Variants in LRRTM3 observed in about 807,000 individuals in gnomAD.
LRRTM3 encodes the protein leucine rich repeat transmembrane neuronal 3.
Under a neutral mutation model 44.7 loss-of-function variants are expected in LRRTM3, and 24 were observed. The observed-to-expected ratio is 0.54, with a 90% CI of 0.39 to 0.76. The LOEUF is 0.76. LRRTM3 is among the 30% of genes least tolerant of loss of function. The probability of loss-of-function intolerance (pLI) is 0.00; values close to 1 mark genes in which losing one functional copy is unlikely to be tolerated. For missense variants in LRRTM3, 587 were observed against 702.2 expected (o/e 0.84, Z 1.85); for synonymous variants, 277 against 278.7 (o/e 0.99, Z 0.06).
intron 2 of LRRTM3, among the ~76,000 whole-genome samples, chr10:67,036,226 C>A (rs914407044): frequency 8.6e-5 from 13 of 151,646 alleles, no homozygotes; most frequent in Non-Finnish European, 1.8e-4. Context: ...GACCATGGCT[C>A]ACTGCAACCT....
At chr10:67,082,755 A>T (rs1857114318) in intron 2 of LRRTM3, among the ~76,000 whole-genome samples, 2 of 152,164 alleles carry the variant, frequency 1.3e-5, no homozygotes, top group African/African-American at 4.8e-5. Context: ...AGAGAAGAGG[A>T]TTTCTGAATA....
chr10:67,011,198 G>A (rs917151269), intron 2 of LRRTM3, among the ~76,000 whole-genome samples: 6 of 151,908 alleles, frequency 3.9e-5, no homozygotes, highest in African/African-American at 7.3e-5. Flanking sequence ...TAAATTAGCC[G>A]GGTGTGGTGG....
At chr10:66,993,526 C>G in intron 2 of LRRTM3, among the ~76,000 whole-genome samples, 1 of 152,026 alleles carries the variant, frequency 6.6e-6, no homozygotes. Context: ...TTCTTCAACA[C>G]CATTTTGGAC....
At chr10:67,048,625 G>C (rs903447540) in intron 2 of LRRTM3, among the ~76,000 whole-genome samples, 9 of 151,972 alleles carry the variant, frequency 5.9e-5, no homozygotes, top group African/African-American at 2.2e-4. Context: ...TTGAAAATTG[G>C]GATACTTTTT....
intron 2 of LRRTM3, among the ~76,000 whole-genome samples, chr10:67,071,308 T>C (rs1187670107): frequency 1.4e-5 from 2 of 145,698 alleles, no homozygotes; most frequent in Non-Finnish European, 1.5e-5. Flanking sequence ...TTCTCTGTTT[T>C]TGTTTTGTTT....
In LRRTM3 at chr10:67,002,731, A is replaced by AT. The variant is rs544059987; in HGVS notation, c.1536+74289dup. Among the ~76,000 whole-genome samples, 763 of 150,330 alleles carry AT rather than the reference A, an allele frequency of 5.1e-3. 12 individuals are homozygous for AT. The highest frequency in any genetic ancestry group is 0.017 in the African/African-American group (708 of 41,046). On this transcript the variant is annotated intron_variant, in intron 2 of 2. Coordinates refer to ENST00000361320, the MANE Select transcript of LRRTM3 (RefSeq NM_178011.5). ...ATATAGTACTAAGTTACCAAGCAGAATTTTTTTTTTAATTCCAGAGTCACT... is the reference window on the plus strand; with the variant it reads ...ATATAGTACTAAGTTACCAAGCAGAATTTTTTTTTTTAATTCCAGAGTCACT...
chr10:67,008,154 T>C (rs1029210536), intron 2 of LRRTM3, among the ~76,000 whole-genome samples: 11 of 152,108 alleles, frequency 7.2e-5, no homozygotes, highest in African/African-American at 2.7e-4. Flanking sequence ...TATTGTGTAA[T>C]AAAATATTGA....
In LRRTM3 at chr10:67,071,508, T is replaced by G. The variant is rs200735796; in HGVS notation, c.1537-26079T>G. The stretch of plus-strand genomic sequence containing the variant: ...TGTACTTAGAGCTCTTTAAAGTTTT[T>G]TTTGTTTGTTTGTTTCTTTGACTTC... On this transcript the variant is annotated intron_variant, in intron 2 of 2. Transcript: ENST00000361320. 2.7e-4 allele frequency among the ~76,000 whole-genome samples: 30 copies of G among 110,128 alleles called. No individual in the cohort carries two copies. In the East Asian group the frequency reaches 6.9e-3, roughly 25 times the overall value. The allele number at this position is 110,128 out of a possible 152,430, so 72.2% of individuals were successfully genotyped here.
At chr10:67,004,735 A>G (rs1331547333) in intron 2 of LRRTM3, among the ~76,000 whole-genome samples, 1 of 152,214 alleles carries the variant, frequency 6.6e-6, no homozygotes, top group Non-Finnish European at 1.5e-5. Flanking sequence ...TTTAACTTAT[A>G]TCATGTCAAT....
intron 2 of LRRTM3, among the ~76,000 whole-genome samples, chr10:67,064,001 G>C (rs1418917998): frequency 1.3e-5 from 2 of 152,158 alleles, no homozygotes; most frequent in African/African-American, 4.8e-5. Context: ...GAATTTTAGA[G>C]TCATCTCCCT....
chr10:66,928,728 T>C (rs1387224445), intron 2 of LRRTM3, among the ~76,000 whole-genome samples: 3 of 152,260 alleles, frequency 2.0e-5, no homozygotes, highest in African/African-American at 7.2e-5. Context: ...GACCCTTTAC[T>C]GATTCCATTA....
intron 2 of LRRTM3, among the ~76,000 whole-genome samples, chr10:67,083,936 C>A (rs1003453200): frequency 1.3e-4 from 20 of 151,988 alleles, no homozygotes; most frequent in African/African-American, 4.8e-4. Flanking sequence ...CTAATCAGTT[C>A]TCTATTAGGA....
At chr10:67,080,925 CAAAAA>C (rs367705560) in intron 2 of LRRTM3, among the ~76,000 whole-genome samples, 74,583 of 140,798 alleles carry the variant, frequency 0.53, 20,235 homozygotes, top group African/African-American at 0.69. Flanking sequence ...AACAAAAAAA[CAAAAA>C]AACAACAAAA....
At chr10:67,081,924 C>A (rs1324465600) in intron 2 of LRRTM3, among the ~76,000 whole-genome samples, 1 of 151,990 alleles carries the variant, frequency 6.6e-6, no homozygotes, top group African/African-American at 2.4e-5. Flanking sequence ...TGCATGGATC[C>A]CTATTAAAGA....
chr10:67,011,368 C>T (rs1000912278), intron 2 of LRRTM3, among the ~76,000 whole-genome samples: 1 of 150,364 alleles, frequency 6.7e-6, no homozygotes. Flanking sequence ...CTAGCCTGTT[C>T]TGTTTTTAAT....
chr10:66,960,906 G>A (rs1431309248), intron 2 of LRRTM3, among the ~76,000 whole-genome samples: 2 of 152,132 alleles, frequency 1.3e-5, no homozygotes, highest in African/African-American at 2.4e-5. Flanking sequence ...CCTAAAATGG[G>A]AATGGTTCTT....
intron 2 of LRRTM3, among the ~76,000 whole-genome samples, chr10:67,073,178 A>C (rs1211166203): frequency 6.6e-6 from 1 of 152,200 alleles, no homozygotes; most frequent in African/African-American, 2.4e-5. Context: ...AGCTCTAGGA[A>C]CTATATCTAA....
chr10:66,957,624 A>G (rs191311188), intron 2 of LRRTM3, among the ~76,000 whole-genome samples: 110 of 151,670 alleles, frequency 7.3e-4, no homozygotes, highest in Admixed American at 1.3e-3. Context: ...CAGATGATAC[A>G]CTCAAAAGGA....
At chr10:67,003,777 A>G (rs1851813316) in intron 2 of LRRTM3, among the ~76,000 whole-genome samples, 2 of 152,194 alleles carry the variant, frequency 1.3e-5, no homozygotes, top group Non-Finnish European at 2.9e-5. Context: ...GGAGAAATCA[A>G]TACAAATTGA....
Sources: gnomAD v4.1 joint callset for allele counts (sites outside exome capture counted in the v4.1 genomes callset) on GRCh38, gnomAD v4.1.1 for gene constraint, MANE v1.5 for transcripts, NCBI Gene and HGNC (gene_info 2026-07-23, HGNC 2026-07-21) for gene names.